Variants in TEKTIP1 observed in about 807,000 individuals in gnomAD.
TEKTIP1 encodes tektin bundle-interacting protein 1.
the TEKTIP1 span, chr19:3,543,594 C>T: frequency 1.3e-6 from 2 of 1,544,496 alleles, no homozygotes; most frequent in Non-Finnish European, 1.7e-6. Flanking sequence ...TGGCATGACC[C>T]CATCGTCCCT....
At chr19:3,543,537 G>C in the TEKTIP1 span, 2 of 1,328,720 alleles carry the variant, frequency 1.5e-6, no homozygotes, top group African/African-American at 3.5e-5. Context: ...ATGACCGCCA[G>C]CCCCCGCCCC....
the TEKTIP1 span, chr19:3,543,960 C>T: frequency 5.2e-6 from 8 of 1,550,686 alleles, no homozygotes; most frequent in Non-Finnish European, 7.0e-6. Context: ...ACCATACTGC[C>T]CCTCCACCTG....
At chr19:3,542,952 C>T in the TEKTIP1 span, 1 of 1,510,372 alleles carries the variant, frequency 6.6e-7, no homozygotes, top group Non-Finnish European at 9.0e-7. Flanking sequence ...TGTCCTCTCC[C>T]CTCCCTCTTC....
chr19:3,543,892 T>G, the TEKTIP1 span: 15 of 1,550,862 alleles, frequency 9.7e-6, no homozygotes, highest in Non-Finnish European at 1.3e-5. Context: ...GTGCCCTCCC[T>G]GTCGGCACCC....
the TEKTIP1 span, chr19:3,543,306 C>A: frequency 3.2e-6 from 5 of 1,549,126 alleles, no homozygotes; most frequent in South Asian, 4.8e-5. Context: ...TGGAAGTACA[C>A]GCCCATGGGA....
chr19:3,541,890 C>T, the TEKTIP1 span: 2 of 749,536 alleles, frequency 2.7e-6, no homozygotes, highest in Non-Finnish European at 3.3e-6. Context: ...CTCACTGCAA[C>T]CTCCGCCTCC....
chr19:3,542,480 CTT>C, the TEKTIP1 span: 1 of 984,422 alleles, frequency 1.0e-6, no homozygotes, highest in South Asian at 4.7e-5. Context: ...AGTCTCTTGT[CTT>C]TTTGTTTTTG....
the TEKTIP1 span, chr19:3,539,553 AG>A: frequency 2.2e-6 from 1 of 449,782 alleles, no homozygotes; most frequent in East Asian, 3.4e-5. Context: ...TCTGAAATCC[AG>A]GCCTGTGCGG....
chr19:3,543,366 C>T, the TEKTIP1 span: 11 of 1,549,106 alleles, frequency 7.1e-6, no homozygotes, highest in Non-Finnish European at 9.6e-6. Flanking sequence ...AACTCGGACG[C>T]CTGGGAAGCC....
chr19:3,541,185 A>AG, the TEKTIP1 span, among the ~76,000 whole-genome samples: 1 of 149,328 alleles, frequency 6.7e-6, no homozygotes. Context: ...AAAAAAAAAA[A>AG]ATCAACCAGG....
At chr19:3,541,998 C>T in the TEKTIP1 span, 41 of 437,762 alleles carry the variant, frequency 9.4e-5, no homozygotes, top group Admixed American at 2.6e-4. Context: ...TTAGTAGAGA[C>T]GGGGTTTCAC....
At chr19:3,539,231 C>G in the TEKTIP1 span, 2 of 1,550,690 alleles carry the variant, frequency 1.3e-6, no homozygotes, top group Non-Finnish European at 1.7e-6. Context: ...CGGGGACCCT[C>G]GAGGCCAGCT....
the TEKTIP1 span, chr19:3,539,333 T>G: frequency 9.9e-6 from 8 of 810,522 alleles, no homozygotes; most frequent in East Asian, 3.3e-4. Context: ...GGTTACATGG[T>G]GTTTGGTTTG....
At chr19:3,543,546 C>T in the TEKTIP1 span, 1 of 1,532,544 alleles carries the variant, frequency 6.5e-7, no homozygotes, top group Non-Finnish European at 8.8e-7. Flanking sequence ...AGCCCCCGCC[C>T]CACCGCAGCC....
chr19:3,543,047 C>T, the TEKTIP1 span: 9 of 1,603,738 alleles, frequency 5.6e-6, no homozygotes, highest in Non-Finnish European at 7.7e-6. Flanking sequence ...GGGGAGTCAG[C>T]CTCTCTCCTC....
At chr19:3,543,005 T>C in the TEKTIP1 span, 1 of 1,599,432 alleles carries the variant, frequency 6.3e-7, no homozygotes, top group African/African-American at 1.3e-5. Context: ...TAGTGCTGAC[T>C]TGGGTGCTTG....
At chr19:3,541,187 T>A in the TEKTIP1 span, among the ~76,000 whole-genome samples, 3 of 97,830 alleles carry the variant, frequency 3.1e-5, no homozygotes, top group Non-Finnish European at 6.0e-5. Context: ...AAAAAAAAAA[T>A]CAACCAGGCA....
chr19:3,541,285 G>T, the TEKTIP1 span, among the ~76,000 whole-genome samples: 1 of 151,652 alleles, frequency 6.6e-6, no homozygotes, highest in Non-Finnish European at 1.5e-5. Flanking sequence ...GCAGTGAGCC[G>T]AAATCGTGCC....
chr19:3,543,996 C>A, the TEKTIP1 span: 1 of 1,542,596 alleles, frequency 6.5e-7, no homozygotes, highest in Admixed American at 2.0e-5. Flanking sequence ...TTCCCTCACA[C>A]CCACTCCCCG....
Sources: gnomAD v4.1 joint callset for allele counts (sites outside exome capture counted in the v4.1 genomes callset) on GRCh38, gnomAD v4.1.1 for gene constraint, MANE v1.5 for transcripts, NCBI Gene and HGNC (gene_info 2026-07-23, HGNC 2026-07-21) for gene names.